The following TRPM6 variants were observed in gnomAD, a reference collection of about 807,000 sequenced individuals.
TRPM6 encodes channel kinase 2.
TRPM6 carries 111 observed loss-of-function variants against 247.6 expected under a neutral mutation model. That is an observed-to-expected ratio of 0.45 (90% confidence interval 0.38 to 0.52). TRPM6 has a LOEUF of 0.52. Among genes scored for constraint, TRPM6 ranks in the 20% least tolerant of loss-of-function variants. TRPM6 has a pLI of 0.00. For missense variants in TRPM6, 2,126 were observed against 2,421.5 expected, an observed-to-expected ratio of 0.88 and a Z score of 2.56; for synonymous variants, 892 against 853.8, an observed-to-expected ratio of 1.04 and a Z score of -0.78.
At chr9:74,807,962 C>A in intron 14 of TRPM6, 72 bp downstream of exon 14, 1 of 1,579,666 alleles carries the variant, frequency 6.3e-7, no homozygotes, top group Non-Finnish European at 8.7e-7. Flanking sequence ...TCTGAACTTC[C>A]AAGGCCATTT....
rs1828613074 is a variant in TRPM6, at chr9:74,808,460, C to A, written c.1498-286G>T. ...TTGCTCTCACTCTCCTTATCATGCA[C>A]ACAAACATATATACACACACGTTTG... On this transcript the variant is annotated intron_variant, in intron 13 of 38. Coordinates refer to ENST00000360774, the MANE Select transcript of TRPM6 (RefSeq NM_017662.5). 3.3e-5 allele frequency among the ~76,000 whole-genome samples: 5 copies of A among 152,296 alleles called. No homozygotes were observed. In the South Asian group the frequency reaches 1.0e-3, roughly 32 times the overall value.
At chr9:74,738,151 C>A (rs1214833538) in intron 36 of TRPM6, among the ~76,000 whole-genome samples, 1 of 152,106 alleles carries the variant, frequency 6.6e-6, no homozygotes, top group Non-Finnish European at 1.5e-5. Flanking sequence ...AAAAATCATT[C>A]CCCATTTTGC....
At chr9:74,798,128 T>C (rs528199810) in intron 17 of TRPM6, among the ~76,000 whole-genome samples, 2 of 152,310 alleles carry the variant, frequency 1.3e-5, no homozygotes, top group African/African-American at 4.8e-5. Context: ...TGATATCAAC[T>C]TGATGAACAC....
intron 1 of TRPM6, chr9:74,875,119 C>A: frequency 2.7e-6 from 1 of 371,558 alleles, no homozygotes; most frequent in South Asian, 2.0e-5. Flanking sequence ...AGTTGCAAAC[C>A]CAGGCCACTA....
rs1587550355 is a variant in TRPM6 at position 74,827,843 on chromosome 9, T to C, written c.776A>G (p.Tyr259Cys). Residue 259 changes from tyrosine to cysteine, a missense_variant, in exon 7 of 39, where the codon TAT (tyrosine) becomes TGT (cysteine). Tyr to Cys is a radical substitution (Grantham distance 194). Coordinates refer to ENST00000360774, the MANE Select transcript of TRPM6 (RefSeq NM_017662.5). ...CCTTCTGAGCTTCATTTCATTTCCA[T>C]ACTTGCCCACGGTCCCATCATCAGA... ...ILSDDGTVGK[Y>C]GNEMKLRRNL... 2 of 1,614,094 alleles carry C rather than the reference T, an allele frequency of 1.2e-6. No individual in the cohort carries two copies. The highest frequency in any genetic ancestry group is 8.5e-7 in the Non-Finnish European group (1 of 1,180,012).
At chr9:74,788,890 C>A (rs1827792706) in intron 19 of TRPM6, 148 bp from the exon 20 acceptor site, 1 of 895,702 alleles carries the variant, frequency 1.1e-6, no homozygotes, top group Admixed American at 2.0e-5. Flanking sequence ...TATTGATGAC[C>A]TACTATCAAG....
At chr9:74,832,046 A>G (rs943230075) in intron 6 of TRPM6, among the ~76,000 whole-genome samples, 3 of 152,214 alleles carry the variant, frequency 2.0e-5, no homozygotes, top group African/African-American at 7.2e-5. Context: ...AGAGACCCCC[A>G]TATATTACAA....
chr9:74,813,911 A>G (rs145156547), intron 11 of TRPM6, among the ~76,000 whole-genome samples: 1 of 152,216 alleles, frequency 6.6e-6, no homozygotes, highest in African/African-American at 2.4e-5. Context: ...AGCCTGGCCA[A>G]CATGGTGAAA....
At chr9:74,743,838 A>G (rs1040761752) in intron 32 of TRPM6, among the ~76,000 whole-genome samples, 1 of 152,218 alleles carries the variant, frequency 6.6e-6, no homozygotes, top group Admixed American at 6.5e-5. Context: ...TTTCAAGGTC[A>G]TCTTTCTACT....
At chr9:74,860,453 G>T (rs1320573875) in intron 1 of TRPM6, among the ~76,000 whole-genome samples, 1 of 152,046 alleles carries the variant, frequency 6.6e-6, no homozygotes, top group Non-Finnish European at 1.5e-5. Flanking sequence ...CTGCCTCTAG[G>T]TTTCAAGCGA....
intron 23 of TRPM6, among the ~76,000 whole-genome samples, chr9:74,780,237 G>A (rs111680667): frequency 0.017 from 2,556 of 151,790 alleles, 68 homozygotes; most frequent in African/African-American, 0.059. Flanking sequence ...GGAGGCCGAG[G>A]TGGGTGCAGG....
chr9:74,860,358 T>C (rs1398913806), intron 1 of TRPM6, among the ~76,000 whole-genome samples: 1 of 152,146 alleles, frequency 6.6e-6, no homozygotes, highest in Non-Finnish European at 1.5e-5. Context: ...TTTTTTATTT[T>C]TTTTGAGACG....
intron 7 of TRPM6, 66 bp from the exon 8 acceptor site, chr9:74,821,903 G>T: frequency 6.4e-7 from 1 of 1,566,622 alleles, no homozygotes; most frequent in South Asian, 1.1e-5. Flanking sequence ...CGGCCGTTTT[G>T]ACTTCCAGAC....
chr9:74,725,242 A>C (rs1825276667), intron 38 of TRPM6, among the ~76,000 whole-genome samples: 1 of 152,140 alleles, frequency 6.6e-6, no homozygotes, highest in Non-Finnish European at 1.5e-5. Context: ...GAAAAGAAAA[A>C]AGTTAAAAGA....
intron 1 of TRPM6, among the ~76,000 whole-genome samples, chr9:74,885,320 C>T (rs1324274392): frequency 6.6e-6 from 1 of 152,186 alleles, no homozygotes; most frequent in Non-Finnish European, 1.5e-5. Context: ...GTTAAATCCA[C>T]ACATTTCTTG....
At chr9:74,854,297 T>C (rs774271517) in intron 3 of TRPM6, among the ~76,000 whole-genome samples, 15 of 152,102 alleles carry the variant, frequency 9.9e-5, no homozygotes, top group Non-Finnish European at 1.8e-4. Flanking sequence ...GGTTGTGGGG[T>C]TGAGATTTTG....
chr9:74,783,193 A>T (rs958956482), intron 21 of TRPM6, among the ~76,000 whole-genome samples: 5 of 152,174 alleles, frequency 3.3e-5, no homozygotes, highest in Non-Finnish European at 7.3e-5. Context: ...AAAATAAAAA[A>T]AAAAAAATAG....
At chr9:74,832,133 C>T (rs1418644483) in intron 6 of TRPM6, among the ~76,000 whole-genome samples, 1 of 151,920 alleles carries the variant, frequency 6.6e-6, no homozygotes, top group African/African-American at 2.4e-5. Flanking sequence ...AATCAAACTA[C>T]CAATTTACAG....
chr9:74,778,230 C>T (rs1000723532), intron 23 of TRPM6, among the ~76,000 whole-genome samples: 16 of 152,150 alleles, frequency 1.1e-4, no homozygotes, highest in Non-Finnish European at 1.5e-4. Flanking sequence ...AGGAAGGGGT[C>T]GCCCTGCTAG....
Sources: gnomAD v4.1 joint callset for allele counts (sites outside exome capture counted in the v4.1 genomes callset) on GRCh38, gnomAD v4.1.1 for gene constraint, MANE v1.5 for transcripts, NCBI Gene and HGNC (gene_info 2026-07-23, HGNC 2026-07-21) for gene names.